CHL1: variants seen among roughly 807,000 people sequenced by gnomAD.
The protein encoded by CHL1 is neural cell adhesion molecule L1-like protein.
In CHL1, 96 loss-of-function variants were observed where a neutral mutation model predicts 141.9. The observed-to-expected ratio is 0.68, with a 90% CI of 0.57 to 0.80. The LOEUF (loss-of-function observed/expected upper bound fraction) is 0.80. Ranked by LOEUF, CHL1 falls within the 30% of genes least tolerant of loss-of-function variation. The pLI is 0.00. For synonymous variants in CHL1, 613 were observed against 502.2 expected (o/e 1.22, Z -2.95); for missense variants, 1,820 against 1,457.2 (o/e 1.25, Z -4.05).
chr3:251,883 G>T (rs1693719138), intron 2 of CHL1, among the ~76,000 whole-genome samples: 1 of 151,934 alleles, frequency 6.6e-6, no homozygotes, highest in Admixed American at 6.6e-5. Context: ...TTCCCATTAT[G>T]GTTGGTTTCT....
intron 5 of CHL1, among the ~76,000 whole-genome samples, chr3:338,528 A>T (rs1702114532): frequency 6.6e-6 from 1 of 152,126 alleles, no homozygotes; most frequent in African/African-American, 2.4e-5. Context: ...TGAGTGTTAA[A>T]ATTTTCACTT....
chr3:265,906 A>G (rs1695107826), intron 2 of CHL1, among the ~76,000 whole-genome samples: 1 of 152,210 alleles, frequency 6.6e-6, no homozygotes, highest in Non-Finnish European at 1.5e-5. Flanking sequence ...TCCACCAAAA[A>G]TAACAAGCCG....
chr3:382,126 G>C, intron 16 of CHL1, 53 bp from the exon 17 acceptor site: 2 of 1,493,722 alleles, frequency 1.3e-6, no homozygotes. Flanking sequence ...CTGAGGAAGG[G>C]AATCAGGTAA....
intron 9 of CHL1, 64 bp from the exon 10 acceptor site, chr3:349,295 G>A (rs1273860867): frequency 2.9e-6 from 4 of 1,393,880 alleles, no homozygotes; most frequent in Non-Finnish European, 4.0e-6. Flanking sequence ...GTGTCCTAAG[G>A]TTTTCTTTGT....
At chr3:284,289 G>A (rs574639554) in intron 2 of CHL1, among the ~76,000 whole-genome samples, 1 of 152,262 alleles carries the variant, frequency 6.6e-6, no homozygotes, top group African/African-American at 2.4e-5. Context: ...TGAATAATAA[G>A]AGGAAAACAA....
rs1699864488 is a variant in CHL1 at position 211,061 on chromosome 3, G to A, written c.-175+13998G>A. Among the ~76,000 whole-genome samples the A allele has an allele frequency of 2.6e-5, 4 of 152,130 alleles. No homozygotes were observed. The South Asian group carries it at 8.3e-4, about 32-fold the overall frequency. ...TTCCATTTATCTGGGAAGTGACTTG[G>A]GTTTAAGAGAACCAGGAGTATCTTA... On this transcript the variant is annotated intron_variant, in intron 1 of 27. Transcript: ENST00000256509.
At chr3:226,163 G>C (rs1211501007) in intron 1 of CHL1, among the ~76,000 whole-genome samples, 1 of 150,094 alleles carries the variant, frequency 6.7e-6, no homozygotes, top group African/African-American at 2.4e-5. Flanking sequence ...TGGGACTACA[G>C]GCATGCACCA....
Position 377,961 on chromosome 3 carries a change from G to A in CHL1, c.1876+19G>A. 1.3e-6 allele frequency: 2 copies of A among 1,582,446 alleles called. No individual in the cohort carries two copies. The highest frequency in any genetic ancestry group is 2.4e-5 in the South Asian group (2 of 83,962). On this transcript the variant is annotated intron_variant, in intron 16 of 27. Coordinates refer to ENST00000256509, the MANE Select transcript of CHL1 (RefSeq NM_006614.4). Reference sequence around the variant, plus strand: ...GTTCTTGGTAAGTGCACTAACTAATGAGAAATCTGTTCATTTCTTCATTTC... The same window carrying A: ...GTTCTTGGTAAGTGCACTAACTAATAAGAAATCTGTTCATTTCTTCATTTC...
chr3:399,745 A>G (rs1404313027), intron 26 of CHL1, among the ~76,000 whole-genome samples: 1 of 152,236 alleles, frequency 6.6e-6, no homozygotes, highest in African/African-American at 2.4e-5. Context: ...ACATATCACT[A>G]GGTCACATAT....
chr3:227,825 A>G (rs1418884921), intron 1 of CHL1, among the ~76,000 whole-genome samples: 1 of 152,192 alleles, frequency 6.6e-6, no homozygotes, highest in Non-Finnish European at 1.5e-5. Flanking sequence ...TGATTTTGTT[A>G]CAGTATTGTG....
intron 1 of CHL1, among the ~76,000 whole-genome samples, chr3:214,252 C>T (rs1349946440): frequency 6.6e-6 from 1 of 152,196 alleles, no homozygotes; most frequent in East Asian, 1.9e-4. Context: ...TTTCAGAGTA[C>T]TGCTAATTCC....
intron 2 of CHL1, among the ~76,000 whole-genome samples, chr3:299,718 A>G (rs779359132): frequency 1.3e-5 from 2 of 152,156 alleles, no homozygotes; most frequent in Non-Finnish European, 2.9e-5. Context: ...GAGCTCCCCT[A>G]GGCTTCGAAG....
intron 1 of CHL1, among the ~76,000 whole-genome samples, chr3:231,602 G>T (rs970796822): frequency 7.7e-6 from 1 of 129,516 alleles, no homozygotes; most frequent in African/African-American, 2.8e-5. Context: ...TTTTGAGATG[G>T]AGTCTCATTC....
chr3:331,680 A>G (rs1253449402), intron 5 of CHL1, among the ~76,000 whole-genome samples: 2 of 152,202 alleles, frequency 1.3e-5, no homozygotes. Flanking sequence ...CACAACTCAG[A>G]TAAAAATTAT....
chr3:278,935 C>A (rs541212783), intron 2 of CHL1, among the ~76,000 whole-genome samples: 1 of 152,242 alleles, frequency 6.6e-6, no homozygotes, highest in African/African-American at 2.4e-5. Context: ...TGTGAGTTTG[C>A]CCTTGCCTTT....
At chr3:263,126 A>T (rs1694870951) in intron 2 of CHL1, among the ~76,000 whole-genome samples, 1 of 152,206 alleles carries the variant, frequency 6.6e-6, no homozygotes, top group African/African-American at 2.4e-5. Context: ...AGTTGCACTC[A>T]ACTGAAATCC....
intron 1 of CHL1, among the ~76,000 whole-genome samples, chr3:233,883 T>G (rs1432201674): frequency 6.6e-6 from 1 of 152,124 alleles, no homozygotes; most frequent in Non-Finnish European, 1.5e-5. Context: ...GATTTTTCCA[T>G]TGGTAGTTGG....
At chr3:281,290 TG>T (rs1272910045) in intron 2 of CHL1, among the ~76,000 whole-genome samples, 1 of 152,150 alleles carries the variant, frequency 6.6e-6, no homozygotes, top group Non-Finnish European at 1.5e-5. Context: ...CCCACAAATT[TG>T]CCCACAAACT....
chr3:200,828 T>C (rs558142090), intron 1 of CHL1, among the ~76,000 whole-genome samples: 4 of 152,340 alleles, frequency 2.6e-5, no homozygotes, highest in Middle Eastern at 6.8e-3. Flanking sequence ...TAATTAGATA[T>C]GCTGCTTTCT....
Sources: allele counts gnomAD v4.1 joint callset (sites outside exome capture counted in the v4.1 genomes callset), GRCh38; gene constraint gnomAD v4.1.1; transcripts MANE v1.5; gene names NCBI Gene and HGNC (gene_info 2026-07-23, HGNC 2026-07-21).